Variants in NLN observed in about 807,000 individuals in gnomAD.
The protein encoded by NLN is neurolysin, mitochondrial.
In NLN, 64 loss-of-function variants were observed where a neutral mutation model predicts 79.9. The observed-to-expected ratio is 0.80, with a 90% CI of 0.65 to 0.99. The LOEUF (loss-of-function observed/expected upper bound fraction) is 0.99, where lower values mean the gene tolerates loss of function less well. Ranked by LOEUF, NLN falls within the 50% of genes least tolerant of loss-of-function variation. The pLI is 0.00. For missense variants in NLN, 835 were observed against 858.7 expected (o/e 0.97, Z 0.34); for synonymous variants, 267 against 296.6 (o/e 0.90, Z 1.02).
At chr5:65,786,016 TTTGAGAGAAGTATA>T (rs1407513907) in intron 7 of NLN, 106 bp downstream of exon 7, 1 of 1,006,442 alleles carries the variant, frequency 9.9e-7, no homozygotes, top group East Asian at 2.5e-5. Flanking sequence ...TTTTCCTTCA[TTTGAGAGAAGTATA>T]TTGATCACCT....
In NLN at chr5:65,792,472, T is replaced by C; in HGVS notation, c.1344T>C (p.His448=). ...CTCCTAGGGAAGGAAAATACAATCATGCGGCCTGCTTCGGTCTCCAGCCTG... is the reference window on the plus strand; with the variant it reads ...CTCCTAGGGAAGGAAAATACAATCACGCGGCCTGCTTCGGTCTCCAGCCTG... ...DLYPREGKYN[H]AACFGLQPGC... The change falls in exon 9 of 13, where the codon CAT becomes CAC. Residue 448 remains histidine, a synonymous_variant. Coordinates refer to ENST00000380985, the MANE Select transcript of NLN (RefSeq NM_020726.5). The C allele has an allele frequency of 2.5e-6, 4 of 1,613,870 alleles. No individual in the cohort carries two copies. In the East Asian group the frequency reaches 8.9e-5, roughly 36 times the overall value.
intron 12 of NLN, among the ~76,000 whole-genome samples, chr5:65,818,248 A>G (rs947334509): frequency 1.3e-5 from 2 of 152,222 alleles, no homozygotes; most frequent in East Asian, 1.9e-4. Flanking sequence ...CTGATAGATC[A>G]TAAGACTCGT....
chr5:65,746,959 G>A lies in NLN; in HGVS notation c.42-11608G>A, dbSNP rs377192270. ...GCGGAGCTTGCAGTGAGCTGAGATC[G>A]TGCCACTGCACTCCAGCCTGGGTGA... On this transcript the variant is annotated intron_variant, in intron 1 of 12. Coordinates refer to ENST00000380985, the MANE Select transcript of NLN (RefSeq NM_020726.5). 3.0e-4 allele frequency among the ~76,000 whole-genome samples: 46 copies of A among 151,230 alleles called. 1 individual carries two copies. The highest frequency in any genetic ancestry group is 8.8e-4 in the African/African-American group (36 of 41,130).
chr5:65,791,850 G>A (rs2150763911), intron 8 of NLN, among the ~76,000 whole-genome samples: 1 of 152,264 alleles, frequency 6.6e-6, no homozygotes, highest in East Asian at 1.9e-4. Context: ...CTTTTGGAAA[G>A]ACCACACAGA....
chr5:65,752,310 T>C (rs1759119558), intron 1 of NLN, among the ~76,000 whole-genome samples: 1 of 152,012 alleles, frequency 6.6e-6, no homozygotes, highest in South Asian at 2.1e-4. Flanking sequence ...GAAGAAGGTA[T>C]GATTGAGACA....
At chr5:65,792,427 T>G in intron 8 of NLN, 27 bp from the exon 9 acceptor site, 1 of 1,542,366 alleles carries the variant, frequency 6.5e-7, no homozygotes, top group Non-Finnish European at 8.9e-7. Flanking sequence ...TTTTCCTATG[T>G]TGCCAACGCG....
chr5:65,762,306 T>G (rs1378021778), intron 2 of NLN, among the ~76,000 whole-genome samples: 1 of 152,112 alleles, frequency 6.6e-6, no homozygotes, highest in Non-Finnish European at 1.5e-5. Flanking sequence ...TCTTTATCTT[T>G]TTATGTACCC....
chr5:65,784,059 G>A (rs1356804241), intron 6 of NLN, among the ~76,000 whole-genome samples: 2 of 152,042 alleles, frequency 1.3e-5, no homozygotes, highest in Non-Finnish European at 2.9e-5. Flanking sequence ...AAAACTGAGG[G>A]TCAGAAAGCT....
chr5:65,811,546 G>A (rs116508828), intron 11 of NLN, among the ~76,000 whole-genome samples: 2,285 of 152,184 alleles, frequency 0.015, 57 homozygotes, highest in African/African-American at 0.053. Context: ...GGCAAGGCAC[G>A]GTGACTCACG....
chr5:65,789,323 A>G (rs550870932), intron 8 of NLN, among the ~76,000 whole-genome samples: 67 of 152,348 alleles, frequency 4.4e-4, no homozygotes, highest in African/African-American at 1.6e-3. Context: ...GAATATTAGT[A>G]GTACCTGCTT....
At chr5:65,806,445 C>A (rs1045619516) in intron 9 of NLN, among the ~76,000 whole-genome samples, 1 of 152,114 alleles carries the variant, frequency 6.6e-6, no homozygotes, top group East Asian at 1.9e-4. Context: ...TGATTTCAAC[C>A]CTCATAGATG....
At chr5:65,790,209 C>T (rs1760024383) in intron 8 of NLN, among the ~76,000 whole-genome samples, 1 of 152,128 alleles carries the variant, frequency 6.6e-6, no homozygotes, top group Non-Finnish European at 1.5e-5. Flanking sequence ...TAGTATCCCC[C>T]TCATTCAGTA....
In NLN at chr5:65,828,156, G is replaced by C. The variant is rs1760953541; in HGVS notation, c.*5241G>C. 1 of 152,228 alleles carries C rather than the reference G, an allele frequency of 6.6e-6. No individual in the cohort carries two copies. The highest frequency in any genetic ancestry group is 6.5e-5 in the Admixed American group (1 of 15,278). 9.4% of individuals were successfully genotyped at this position (152,228 alleles called of 1,614,324 possible). A position where few individuals can be genotyped will look rare whatever the true frequency, so the allele number is the denominator to read the frequency against. The stretch of plus-strand genomic sequence containing the variant: ...AGTATTCAGGAAAAAAGAGTTGGCA[G>C]TTTTATTTGGCCAAATTCCAATATC... On this transcript the variant is annotated 3_prime_UTR_variant, in exon 13 of 13. Transcript: ENST00000380985.
intron 12 of NLN, among the ~76,000 whole-genome samples, chr5:65,813,875 A>G (rs1025605964): frequency 9.9e-5 from 15 of 152,014 alleles, no homozygotes; most frequent in African/African-American, 3.6e-4. Context: ...AGCTGCAGTG[A>G]GCCGAGATCA....
At chr5:65,760,907 T>G (rs1759323337) in intron 2 of NLN, among the ~76,000 whole-genome samples, 1 of 152,236 alleles carries the variant, frequency 6.6e-6, no homozygotes. Context: ...AAGTTTGTGA[T>G]GTTTGTTCTT....
In NLN at chr5:65,739,029, T is replaced by A. The variant is rs1758812914; in HGVS notation, c.41+16615T>A. On this transcript the variant is annotated intron_variant, in intron 1 of 12. Coordinates refer to ENST00000380985, the MANE Select transcript of NLN (RefSeq NM_020726.5). ...ATATATATTTATATATATAAATATA[T>A]AATATATATATAAAAAATATATATA... is the stretch of plus-strand genomic sequence containing the variant. 2.1e-5 allele frequency among the ~76,000 whole-genome samples: 3 copies of A among 142,070 alleles called. No homozygotes were observed. The South Asian group carries it at 6.3e-4, about 30-fold the overall frequency. 93.2% of individuals were successfully genotyped at this position (142,070 alleles called of 152,430 possible). A position where few individuals can be genotyped will look rare whatever the true frequency, so the allele number is the denominator to read the frequency against.
intron 1 of NLN, chr5:65,733,678 G>A: frequency 6.9e-7 from 1 of 1,448,496 alleles, no homozygotes; most frequent in Non-Finnish European, 9.5e-7. Flanking sequence ...TAGTGGGATG[G>A]ATACGCTTTC....
intron 1 of NLN, among the ~76,000 whole-genome samples, chr5:65,743,891 G>A (rs980479643): frequency 5.9e-5 from 9 of 152,134 alleles, no homozygotes; most frequent in South Asian, 2.1e-4. Context: ...CATTAAACCC[G>A]TGTACCCACC....
intron 9 of NLN, among the ~76,000 whole-genome samples, chr5:65,797,817 G>A (rs763108867): frequency 7.9e-5 from 12 of 152,206 alleles, no homozygotes; most frequent in Non-Finnish European, 1.3e-4. Flanking sequence ...ACTGCCACTT[G>A]AGGTTCAACA....
Sources: allele counts gnomAD v4.1 joint callset (sites outside exome capture counted in the v4.1 genomes callset), GRCh38; gene constraint gnomAD v4.1.1; transcripts MANE v1.5; gene names NCBI Gene and HGNC (gene_info 2026-07-23, HGNC 2026-07-21).